GALNT16: variants seen among roughly 807,000 people sequenced by gnomAD.
GALNT16 encodes the protein UDP-GalNAc:polypeptide N-acetylgalactosaminyltransferase-like protein 1.
A neutral mutation model predicts 76.1 loss-of-function variants in GALNT16; 40 were observed. The ratio of observed to expected loss-of-function variants is 0.53; its 90% CI spans 0.41 to 0.68. The LOEUF (loss-of-function observed/expected upper bound fraction) is 0.68, where lower values mean the gene tolerates loss of function less well. GALNT16 is among the 30% of genes least tolerant of loss of function. GALNT16 has a pLI of 0.00. For synonymous variants in GALNT16, 276 were observed against 285.2 expected (o/e 0.97, Z 0.32); for missense variants, 621 against 731.9 (o/e 0.85, Z 1.75).
At chr14:69,259,654 C>G (rs1271989806), upstream of GALNT16, 1 of 152,708 alleles carries the variant, frequency 6.5e-6, no homozygotes, top group Non-Finnish European at 1.5e-5. Context: ...GACTCTCCCC[C>G]GCCCAGCCGC....
intron 1 of GALNT16, among the ~76,000 whole-genome samples, chr14:69,318,118 A>G (rs2045128114): frequency 6.6e-6 from 1 of 152,238 alleles, no homozygotes; most frequent in South Asian, 2.1e-4. Context: ...AAGGAGAGCT[A>G]AGGCCTCTGG....
At chr14:69,331,372 G>A (rs549773419) in intron 6 of GALNT16, 92 bp from the exon 7 acceptor site, 310 of 759,212 alleles carry the variant, frequency 4.1e-4, no homozygotes, top group Non-Finnish European at 5.6e-4. Flanking sequence ...AGTGCCCCAT[G>A]TCTCAGAGAG....
At chr14:69,260,951 C>T (rs910379406) in intron 1 of GALNT16, among the ~76,000 whole-genome samples, 42 of 152,170 alleles carry the variant, frequency 2.8e-4, no homozygotes, top group Non-Finnish European at 4.9e-4. Context: ...GGGGAAGGCT[C>T]TCTAGGCGCT....
chr14:69,291,140 A>G (rs1015850037), intron 1 of GALNT16, among the ~76,000 whole-genome samples: 1 of 152,126 alleles, frequency 6.6e-6, no homozygotes, highest in Non-Finnish European at 1.5e-5. Flanking sequence ...CAAATTTTAA[A>G]AAGTTAACTG....
At chr14:69,365,421 A>G in the GALNT16 span, among the ~76,000 whole-genome samples, 1 of 152,230 alleles carries the variant, frequency 6.6e-6, no homozygotes, top group Non-Finnish European at 1.5e-5. Context: ...CATGGTAGAC[A>G]GTAAAAGCTA....
At chr14:69,372,085 G>A in the GALNT16 span, among the ~76,000 whole-genome samples, 477 of 152,336 alleles carry the variant, frequency 3.1e-3, 4 homozygotes, top group African/African-American at 0.011. Flanking sequence ...TAAATGTGGA[G>A]TTACCTTTAT....
intron 2 of GALNT16, among the ~76,000 whole-genome samples, chr14:69,323,280 C>G (rs908570596): frequency 2.0e-5 from 3 of 152,170 alleles, no homozygotes; most frequent in Admixed American, 6.5e-5. Context: ...TGGGACAAAC[C>G]CCTTTAGAGG....
At chr14:69,291,659 C>G (rs139615185) in intron 1 of GALNT16, among the ~76,000 whole-genome samples, 2 of 152,218 alleles carry the variant, frequency 1.3e-5, no homozygotes, top group African/African-American at 4.8e-5. Flanking sequence ...TGGGGAAAGA[C>G]AATCCTCGCC....
intron 1 of GALNT16, among the ~76,000 whole-genome samples, chr14:69,309,522 G>A (rs1190286445): frequency 1.3e-5 from 2 of 152,074 alleles, no homozygotes; most frequent in Non-Finnish European, 2.9e-5. Flanking sequence ...GTGTTGCCCA[G>A]ACTGGTCTTG....
chr14:69,342,263 C>T (rs1487461365), intron 12 of GALNT16, among the ~76,000 whole-genome samples: 1 of 151,848 alleles, frequency 6.6e-6, no homozygotes, highest in African/African-American at 2.4e-5. Flanking sequence ...GCCTGGGCAA[C>T]ATAATGAGAC....
intron 1 of GALNT16, among the ~76,000 whole-genome samples, chr14:69,263,005 G>C (rs1323114339): frequency 6.6e-6 from 1 of 151,486 alleles, no homozygotes; most frequent in Non-Finnish European, 1.5e-5. Flanking sequence ...TCAGCCTCTC[G>C]AGCAGCTGGG....
rs933858226 is a variant in GALNT16, at chr14:69,320,798, C to T, written c.265C>T (p.His89Tyr). The change falls in exon 2 of 15, where the codon CAC becomes TAC. Residue 89 changes from histidine to tyrosine, a missense_variant. Coordinates refer to ENST00000448469, the MANE Select transcript of GALNT16 (RefSeq NM_001168368.2). Reference protein sequence around the residue: ...LKAGEDPYRQHAFNQLESDKL... With the variant: ...LKAGEDPYRQYAFNQLESDKL... ...GGCTGGAGAGGACCCCTACAGACAGCACGCCTTCAACCAGCTGGAGAGTGA... is the reference window on the plus strand; with the variant it reads ...GGCTGGAGAGGACCCCTACAGACAGTACGCCTTCAACCAGCTGGAGAGTGA... 11 of 1,614,190 alleles carry T rather than the reference C, an allele frequency of 6.8e-6. No homozygotes were observed. The highest frequency in any genetic ancestry group is 9.3e-6 in the Non-Finnish European group (11 of 1,180,018).
the GALNT16 span, among the ~76,000 whole-genome samples, chr14:69,382,433 T>C: frequency 6.6e-6 from 1 of 152,188 alleles, no homozygotes; most frequent in Non-Finnish European, 1.5e-5. Context: ...CTCACAATTA[T>C]CATATCTGGG....
the GALNT16 span, among the ~76,000 whole-genome samples, chr14:69,372,950 A>G: frequency 1.4e-4 from 22 of 152,172 alleles, 1 homozygote; most frequent in Admixed American, 1.2e-3. Context: ...TGGGATGAGC[A>G]TTGTGGTAAT....
intron 1 of GALNT16, 27 bp from the exon 2 acceptor site, chr14:69,320,684 C>G: frequency 6.2e-7 from 1 of 1,604,388 alleles, no homozygotes; most frequent in Non-Finnish European, 8.5e-7. Context: ...TGCCTGTGGT[C>G]CTCTCTGATG....
chr14:69,288,473 T>C (rs1190673104), intron 1 of GALNT16, among the ~76,000 whole-genome samples: 1 of 152,192 alleles, frequency 6.6e-6, no homozygotes, highest in Non-Finnish European at 1.5e-5. Context: ...AGGAGGCCCA[T>C]GTGAAACAGC....
At chr14:69,267,637 C>G (rs2044357529) in intron 1 of GALNT16, among the ~76,000 whole-genome samples, 1 of 152,090 alleles carries the variant, frequency 6.6e-6, no homozygotes, top group African/African-American at 2.4e-5. Context: ...TGGAGTGGCC[C>G]AGGATGGAAA....
At chr14:69,297,357 G>A (rs1382074937) in intron 1 of GALNT16, among the ~76,000 whole-genome samples, 47 of 151,962 alleles carry the variant, frequency 3.1e-4, no homozygotes, top group Non-Finnish European at 2.9e-5. Context: ...TTTAGCTCTC[G>A]CCTCATTTTC....
chr14:69,277,271 G>C (rs1431968338), intron 1 of GALNT16, among the ~76,000 whole-genome samples: 2 of 152,054 alleles, frequency 1.3e-5, no homozygotes, highest in Non-Finnish European at 2.9e-5. Flanking sequence ...TGTGCACAAC[G>C]TGCAGGCTCG....
Sources: gnomAD v4.1 joint callset for allele counts (sites outside exome capture counted in the v4.1 genomes callset) on GRCh38, gnomAD v4.1.1 for gene constraint, MANE v1.5 for transcripts, NCBI Gene and HGNC (gene_info 2026-07-23, HGNC 2026-07-21) for gene names.